The following TAF3 variants were observed in gnomAD, a reference collection of about 807,000 sequenced individuals.
The protein encoded by TAF3 is TATA-box binding protein associated factor 3.
In TAF3, 7 loss-of-function variants were observed where a neutral mutation model predicts 80.6. The ratio of observed to expected loss-of-function variants is 0.09; its 90% confidence interval spans 0.05 to 0.16. The LOEUF is 0.16. TAF3 is among the 10% of genes least tolerant of loss of function. The pLI is 1.00. For missense variants in TAF3, 921 were observed against 1,140.2 expected, an observed-to-expected ratio of 0.81 and a Z score of 2.77; for synonymous variants, 444 against 446.1, an observed-to-expected ratio of 1.00 and a Z score of 0.06.
chr10:7,848,800 A>G (rs923409710), intron 2 of TAF3, among the ~76,000 whole-genome samples: 4 of 152,180 alleles, frequency 2.6e-5, no homozygotes, highest in Admixed American at 6.5e-5. Flanking sequence ...CTTTATGCCA[A>G]TATGCCTTTA....
At position 7,982,358 on chromosome 10, in the gene TAF3, G is replaced by A. The variant is rs768386531; in HGVS notation, c.2315+5035G>A. On this transcript the variant is annotated intron_variant, in intron 4 of 6. Transcript: ENST00000344293. ...ATGATCATACCTTCCTAGCAGTAAGGGCAAAAAAATACATTTTTAAAATTA... is the reference window on the plus strand; with the variant it reads ...ATGATCATACCTTCCTAGCAGTAAGAGCAAAAAAATACATTTTTAAAATTA... Among the ~76,000 whole-genome samples, 34 of 151,902 alleles carry A rather than the reference G, an allele frequency of 2.2e-4. 1 individual carries two copies. Among genetic ancestry groups the A allele is most frequent in the Non-Finnish European group, 3.5e-4 (24 of 67,918 alleles).
Position 8,014,722 on chromosome 10 carries a change from C to T in TAF3, c.2761C>T (p.His921Tyr), listed in dbSNP as rs775571723. ...TGCGAACAAGAAGAAGGACAAAAAG[C>T]ACAAGAAGAGGAAGCATCGAGCCCA... The part of the protein sequence containing the change: ...KCANKKKDKK[H>Y]KKRKHRAH Residue 921 changes from histidine to tyrosine, a missense_variant, in exon 7 of 7, where the codon CAC becomes TAC. This residue lies in a region of TAF3 where 29 missense variants were observed against 20.3 expected (regional missense o/e 1.43). Coordinates refer to ENST00000344293, the MANE Select transcript of TAF3 (RefSeq NM_031923.4). The T allele has an allele frequency of 6.8e-6, 11 of 1,607,546 alleles. No homozygotes were observed. Among genetic ancestry groups the T allele is most frequent in the Admixed American group, 1.7e-5 (1 of 59,262 alleles).
chr10:7,994,662 A>G (rs1831867143), intron 4 of TAF3, among the ~76,000 whole-genome samples: 1 of 152,048 alleles, frequency 6.6e-6, no homozygotes, highest in Non-Finnish European at 1.5e-5. Context: ...ATTTTCTTTC[A>G]CATTAGAAAT....
chr10:8,005,208 A>G (rs1196225616), intron 4 of TAF3, among the ~76,000 whole-genome samples: 2 of 152,102 alleles, frequency 1.3e-5, no homozygotes, highest in African/African-American at 4.8e-5. Flanking sequence ...TAATTCTTGT[A>G]TCTGTGGTCT....
At chr10:7,835,574 C>G (rs563466529) in intron 2 of TAF3, among the ~76,000 whole-genome samples, 2 of 152,184 alleles carry the variant, frequency 1.3e-5, no homozygotes, top group Non-Finnish European at 2.9e-5. Flanking sequence ...CAGAGAGCAG[C>G]CAGGGTCAAG....
Position 7,965,264 on chromosome 10 carries a change from C to T in TAF3, c.1754C>T (p.Ala585Val). The T allele has an allele frequency of 6.2e-7, 1 of 1,608,876 alleles. No individual in the cohort carries two copies. Among genetic ancestry groups the T allele is most frequent in the South Asian group, 1.1e-5 (1 of 89,296 alleles). The change falls in exon 3 of 7, where the codon GCA becomes GTA. Residue 585 changes from alanine to valine, a missense_variant. Physicochemically the swap from Ala to Val is moderately conservative, Grantham distance 64 (BLOSUM62 0). Coordinates refer to ENST00000344293, the MANE Select transcript of TAF3 (RefSeq NM_031923.4). ...AAGGAATTTCTTAAAGAGGAAGAGG[C>T]AGATCCCTACAAGTTTAAAATCAAA... ...PWKEFLKEEE[A>V]DPYKFKIKEF...
At chr10:7,900,812 G>A (rs1031502437) in intron 2 of TAF3, among the ~76,000 whole-genome samples, 1 of 152,034 alleles carries the variant, frequency 6.6e-6, no homozygotes, top group Non-Finnish European at 1.5e-5. Context: ...GTATTAAGAA[G>A]GTAAAGATTT....
intron 2 of TAF3, among the ~76,000 whole-genome samples, chr10:7,878,703 ATGTATG>A (rs1205385651): frequency 7.0e-5 from 4 of 57,458 alleles, no homozygotes; most frequent in Non-Finnish European, 5.4e-5. Flanking sequence ...GTATGTATGT[ATGTATG>A]TATGTATGTA....
Position 7,861,259 on chromosome 10 carries a change from G to A in TAF3, c.409+36699G>A, listed in dbSNP as rs187804774. Among the ~76,000 whole-genome samples, 231 of 151,928 alleles carry A rather than the reference G, an allele frequency of 1.5e-3. 1 individual carries two copies. Among genetic ancestry groups the A allele is most frequent in the African/African-American group, 5.1e-3 (213 of 41,448 alleles). On this transcript the variant is annotated intron_variant, in intron 2 of 6. Transcript: ENST00000344293. ...ATTACAGGCGTGAGCCACCGCATCCGGCCCTGCACGGCTAATTTTTGTATT... is the reference window on the plus strand; with the variant it reads ...ATTACAGGCGTGAGCCACCGCATCCAGCCCTGCACGGCTAATTTTTGTATT...
intron 4 of TAF3, among the ~76,000 whole-genome samples, chr10:7,988,337 C>T (rs1023008034): frequency 1.1e-4 from 16 of 151,696 alleles, no homozygotes; most frequent in Non-Finnish European, 2.2e-4. Flanking sequence ...CGCTTATAAT[C>T]CTAACACTTT....
intron 2 of TAF3, among the ~76,000 whole-genome samples, chr10:7,828,245 GA>G (rs960069180): frequency 2.6e-5 from 4 of 151,924 alleles, no homozygotes; most frequent in African/African-American, 9.7e-5. Context: ...CCCTGTCTCT[GA>G]AAAAAAGAGA....
At chr10:7,870,543 C>T (rs1347126846) in intron 2 of TAF3, among the ~76,000 whole-genome samples, 1 of 152,114 alleles carries the variant, frequency 6.6e-6, no homozygotes, top group Non-Finnish European at 1.5e-5. Context: ...CTATTGATTT[C>T]CATTGTACAA....
chr10:7,925,064 C>G (rs185187440), intron 2 of TAF3, among the ~76,000 whole-genome samples: 1 of 152,032 alleles, frequency 6.6e-6, no homozygotes, highest in African/African-American at 2.4e-5. Flanking sequence ...TGTAGGGTAC[C>G]AAATTTCAAC....
intron 4 of TAF3, among the ~76,000 whole-genome samples, chr10:8,004,075 G>A (rs1047526520): frequency 5.3e-5 from 8 of 151,122 alleles, no homozygotes; most frequent in Admixed American, 2.0e-4. Flanking sequence ...TTTTGAGACC[G>A]ATTCTTGCTC....
chr10:7,980,613 A>AC (rs1831717455), intron 4 of TAF3, among the ~76,000 whole-genome samples: 1 of 152,166 alleles, frequency 6.6e-6, no homozygotes, highest in African/African-American at 2.4e-5. Context: ...CCAAAACCTA[A>AC]CCCTGAAATT....
At position 7,885,995 on chromosome 10, in the gene TAF3, G is replaced by T. The variant is rs563926937; in HGVS notation, c.409+61435G>T. ...CCAGGCTGGTGTGTAGTGGCGCGAC[G>T]ATGGCTCACTACAGCCTCAACCTCC... On this transcript the variant is annotated intron_variant, in intron 2 of 6. Transcript: ENST00000344293. Among the ~76,000 whole-genome samples the T allele has an allele frequency of 1.6e-4, 24 of 152,080 alleles. No homozygotes were observed. In the South Asian group the frequency reaches 4.2e-3, roughly 26 times the overall value.
chr10:7,947,947 G>A (rs938706262), intron 2 of TAF3, among the ~76,000 whole-genome samples: 2 of 152,154 alleles, frequency 1.3e-5, no homozygotes, highest in Non-Finnish European at 2.9e-5. Context: ...GTACAGACAG[G>A]AAATGACGTT....
At chr10:7,918,536 A>T (rs540098917) in intron 2 of TAF3, among the ~76,000 whole-genome samples, 1 of 152,176 alleles carries the variant, frequency 6.6e-6, no homozygotes, top group East Asian at 1.9e-4. Context: ...TGGGAGCATG[A>T]CGGGAATGTG....
chr10:7,915,726 C>T (rs1402400519), intron 2 of TAF3, among the ~76,000 whole-genome samples: 1 of 151,536 alleles, frequency 6.6e-6, no homozygotes, highest in African/African-American at 2.4e-5. Context: ...GCTTGTAATC[C>T]CGGCACCTTT....
Sources: gnomAD v4.1 joint callset for allele counts (sites outside exome capture counted in the v4.1 genomes callset) on GRCh38, gnomAD v4.1.1 for gene constraint, gnomAD v4.1.1 regional missense constraint, MANE v1.5 for transcripts, NCBI Gene and HGNC (gene_info 2026-07-23, HGNC 2026-07-21) for gene names.